The following FRK variants were observed in gnomAD, a reference collection of about 807,000 sequenced individuals.
The protein encoded by FRK is tyrosine-protein kinase FRK.
FRK carries 51 observed loss-of-function variants against 56.4 expected under a neutral mutation model. That is an observed-to-expected ratio of 0.90 (90% CI 0.72 to 1.14). The LOEUF (loss-of-function observed/expected upper bound fraction) is 1.14. Ranked by LOEUF, FRK falls within the 50% of genes most tolerant of loss-of-function variation. FRK has a pLI of 0.00. For missense variants in FRK, 570 were observed against 601.4 expected (o/e 0.95, Z 0.55); for synonymous variants, 245 against 217.9 (o/e 1.12, Z -1.10).
At chr6:116,100,545 A>G in the FRK span, among the ~76,000 whole-genome samples, 3 of 151,854 alleles carry the variant, frequency 2.0e-5, no homozygotes, top group Non-Finnish European at 4.4e-5. Flanking sequence ...GTCCCGGTTA[A>G]TTTTGTGGTA....
At chr6:116,100,453 T>G in the FRK span, among the ~76,000 whole-genome samples, 1 of 152,246 alleles carries the variant, frequency 6.6e-6, no homozygotes, top group Non-Finnish European at 1.5e-5. Flanking sequence ...TTCTATGATC[T>G]TACTATTCCT....
At chr6:116,095,169 CAGACCT>C in the FRK span, among the ~76,000 whole-genome samples, 2 of 152,206 alleles carry the variant, frequency 1.3e-5, no homozygotes, top group Non-Finnish European at 2.9e-5. Flanking sequence ...AAGGTCCAAC[CAGACCT>C]AGGAAGAACT....
chr6:116,047,782 A>T (rs1329205172), intron 1 of FRK, among the ~76,000 whole-genome samples: 3 of 152,180 alleles, frequency 2.0e-5, no homozygotes, highest in Non-Finnish European at 2.9e-5. Flanking sequence ...TAGGATTTTT[A>T]TGGCAGTTGC....
intron 1 of FRK, among the ~76,000 whole-genome samples, chr6:116,050,629 A>C (rs542714332): frequency 6.6e-6 from 1 of 152,274 alleles, no homozygotes; most frequent in East Asian, 1.9e-4. Flanking sequence ...TGCTTTTGAC[A>C]AAGGGCATTG....
chr6:115,968,769 ACTT>A (rs1377585686), intron 2 of FRK, 30 bp from the exon 3 acceptor site: 1 of 1,596,962 alleles, frequency 6.3e-7, no homozygotes. Flanking sequence ...CTGTTAATAA[ACTT>A]CTTGCTAAAA....
chr6:116,077,081 A>G, the FRK span, among the ~76,000 whole-genome samples: 3 of 152,212 alleles, frequency 2.0e-5, no homozygotes, highest in Non-Finnish European at 2.9e-5. Context: ...GTAAGTTCCT[A>G]CCACATTTAG....
chr6:116,034,388 CA>C (rs901567627), intron 1 of FRK, among the ~76,000 whole-genome samples: 20 of 152,122 alleles, frequency 1.3e-4, no homozygotes, highest in Non-Finnish European at 2.4e-4. Context: ...TATTATGTAT[CA>C]AAAATAATGT....
At chr6:116,089,107 C>T in the FRK span, among the ~76,000 whole-genome samples, 6 of 152,170 alleles carry the variant, frequency 3.9e-5, no homozygotes, top group South Asian at 1.2e-3. Flanking sequence ...ACTGCTATTA[C>T]CATCAAAATG....
At chr6:115,993,949 T>G (rs1349232734) in intron 2 of FRK, among the ~76,000 whole-genome samples, 1 of 152,056 alleles carries the variant, frequency 6.6e-6, no homozygotes, top group Non-Finnish European at 1.5e-5. Context: ...AATCAAATGA[T>G]TTCAAAATTT....
chr6:115,944,676 A>G (rs1772350422), intron 5 of FRK, among the ~76,000 whole-genome samples: 1 of 152,130 alleles, frequency 6.6e-6, no homozygotes, highest in African/African-American at 2.4e-5. Context: ...CGTGGCTGCA[A>G]TTATCTGAGA....
chr6:116,059,980 A>G lies in FRK; in HGVS notation c.332T>C (p.Leu111Pro). 6.2e-7 allele frequency: 1 copy of G among 1,613,744 alleles called. No individual in the cohort carries two copies. Among genetic ancestry groups the G allele is most frequent in the Non-Finnish European group, 8.5e-7 (1 of 1,179,650 alleles). The change falls in exon 1 of 8, where the codon CTA becomes CCA. Residue 111 changes from leucine (L) to proline (P), a missense_variant. Coordinates refer to ENST00000606080, the MANE Select transcript of FRK (RefSeq NM_002031.3). ...PSNYVAEDRSLQAEPWFFGAI... is the reference protein window; with the variant it reads ...PSNYVAEDRSPQAEPWFFGAI... ...TTGTACTACTCACGGCTCTGCCTGT[A>G]GGCTTCTGTCCTCAGCCACGTAGTT...
At chr6:116,080,887 G>T in the FRK span, among the ~76,000 whole-genome samples, 1 of 152,182 alleles carries the variant, frequency 6.6e-6, no homozygotes, top group East Asian at 1.9e-4. Context: ...AATAGATGTT[G>T]TATTAGTCTG....
intron 4 of FRK, among the ~76,000 whole-genome samples, chr6:115,958,650 A>C (rs1422001663): frequency 4.7e-4 from 1 of 2,130 alleles, no homozygotes; most frequent in Non-Finnish European, 8.9e-4. Flanking sequence ...AAAGAAAAGA[A>C]AGAAAGAAAG....
chr6:115,986,377 A>T (rs1352537181), intron 2 of FRK, among the ~76,000 whole-genome samples: 5 of 152,248 alleles, frequency 3.3e-5, no homozygotes, highest in African/African-American at 1.2e-4. Context: ...GACAGAGCCC[A>T]GTCGAGCCAT....
intron 1 of FRK, among the ~76,000 whole-genome samples, chr6:116,035,858 G>T (rs1377959351): frequency 6.6e-6 from 1 of 152,014 alleles, no homozygotes; most frequent in Non-Finnish European, 1.5e-5. Flanking sequence ...TCTATTTACA[G>T]TAGAGAGAGA....
At chr6:115,974,861 C>A (rs1242139319) in intron 2 of FRK, among the ~76,000 whole-genome samples, 1 of 152,122 alleles carries the variant, frequency 6.6e-6, no homozygotes, top group Non-Finnish European at 1.5e-5. Context: ...TCCACTCGAG[C>A]TCCTCCTTTC....
At chr6:115,952,493 C>G (rs529401305) in intron 5 of FRK, among the ~76,000 whole-genome samples, 2,198 of 151,918 alleles carry the variant, frequency 0.014, 56 homozygotes, top group African/African-American at 0.05. Flanking sequence ...ACTAGTTCAA[C>G]CATTGTGGAA....
chr6:116,009,663 G>C (rs1582709042), intron 1 of FRK, among the ~76,000 whole-genome samples: 1 of 152,086 alleles, frequency 6.6e-6, no homozygotes, highest in Non-Finnish European at 1.5e-5. Flanking sequence ...GAAAAGAAAT[G>C]CTGGAAGAAA....
the FRK span, among the ~76,000 whole-genome samples, chr6:116,090,979 A>AT: frequency 6.6e-6 from 1 of 152,306 alleles, no homozygotes; most frequent in African/African-American, 2.4e-5. Context: ...ACCATTTGAG[A>AT]TTTTTTTAAA....
Sources: gnomAD v4.1 joint callset for allele counts (sites outside exome capture counted in the v4.1 genomes callset) on GRCh38, gnomAD v4.1.1 for gene constraint, MANE v1.5 for transcripts, NCBI Gene and HGNC (gene_info 2026-07-23, HGNC 2026-07-21) for gene names.